Variants in ZDHHC9 observed in about 807,000 individuals in gnomAD.
ZDHHC9 encodes the protein zDHHC palmitoyltransferase 9.
In ZDHHC9, 3 loss-of-function variants were observed where a neutral mutation model predicts 26.6. The observed-to-expected ratio is 0.11, with a 90% CI of 0.05 to 0.29. The LOEUF (loss-of-function observed/expected upper bound fraction) is 0.29, where lower values mean the gene tolerates loss of function less well. Among genes scored for constraint, ZDHHC9 ranks in the 10% least tolerant of loss-of-function variants. ZDHHC9 has a pLI of 1.00. For synonymous variants in ZDHHC9, 111 were observed against 109.4 expected (o/e 1.01, Z -0.09); for missense variants, 146 against 296.4 (o/e 0.49, Z 3.73).
chrX:129,830,767 T>C (rs569509677), intron 3 of ZDHHC9, among the ~76,000 whole-genome samples: 3 of 111,647 alleles, frequency 2.7e-5, no homozygotes, highest in Non-Finnish European at 3.8e-5. Flanking sequence ...CCTGGTTATA[T>C]ATTCTCTGCA....
Position 129,811,114 on chromosome X carries a change from A to G in ZDHHC9, c.882-113T>C, listed in dbSNP as rs760795044. The G allele has an allele frequency of 4.7e-6, 3 of 635,366 alleles. No individual in the cohort carries two copies. The East Asian group carries it at 1.0e-4, about 22-fold the overall frequency. 52.4% of individuals were successfully genotyped at this position (635,366 alleles called of 1,213,427 possible). A position where few individuals can be genotyped will look rare whatever the true frequency, so the allele number is the denominator to read the frequency against. ...ATATAAACCTGTCCTTTGGCAATCT[A>G]GCCTGAACACAGCACATGCCTCTTA... On this transcript the variant is annotated intron_variant, in intron 9 of 10. Transcript: ENST00000357166.
At chrX:129,819,008 T>C (rs988616643) in intron 5 of ZDHHC9, among the ~76,000 whole-genome samples, 2 of 107,651 alleles carry the variant, frequency 1.9e-5, no homozygotes, top group African/African-American at 6.8e-5. Context: ...CCGTCTCTAC[T>C]AAAAATACAA....
At chrX:129,832,859 G>A (rs1177710589) in intron 3 of ZDHHC9, among the ~76,000 whole-genome samples, 2 of 107,116 alleles carry the variant, frequency 1.9e-5, no homozygotes, top group African/African-American at 3.4e-5. Context: ...CAGCTTACTC[G>A]GGAAGCTGAG....
At chrX:129,812,913 T>G in intron 7 of ZDHHC9, 93 bp from the exon 8 acceptor site, 1 of 600,421 alleles carries the variant, frequency 1.7e-6, no homozygotes, top group Non-Finnish European at 2.9e-6. Context: ...CATCTTTACC[T>G]CCTGGAACGT....
chrX:129,840,352 A>G (rs1455980772), intron 3 of ZDHHC9, among the ~76,000 whole-genome samples: 3 of 111,482 alleles, frequency 2.7e-5, no homozygotes, highest in Non-Finnish European at 5.6e-5. Flanking sequence ...TCAGCTTTGC[A>G]CTTCCAAGAA....
At position 129,805,864 on chromosome X, in the gene ZDHHC9, T is replaced by C. The variant is rs1338612113; in HGVS notation, c.*506A>G. On this transcript the variant is annotated 3_prime_UTR_variant, in exon 11 of 11. Coordinates refer to ENST00000357166, the MANE Select transcript of ZDHHC9 (RefSeq NM_016032.4). Reference sequence around the variant, plus strand: ...ATTTGTGGGCAATGCTGGCACTTGGTGGCCAGGAGAATCTTCTGACCCCAC... The same window carrying C: ...ATTTGTGGGCAATGCTGGCACTTGGCGGCCAGGAGAATCTTCTGACCCCAC... The C allele has an allele frequency of 8.3e-6, 1 of 119,907 alleles. No homozygotes were observed. Among genetic ancestry groups the C allele is most frequent in the Non-Finnish European group, 1.7e-5 (1 of 57,923 alleles). The allele number at this position is 119,907 out of a possible 1,213,427, so 9.9% of individuals were successfully genotyped here. A position where few individuals can be genotyped will look rare whatever the true frequency, so the allele number is the denominator to read the frequency against.
At chrX:129,821,032 GA>G (rs1359109710) in intron 5 of ZDHHC9, among the ~76,000 whole-genome samples, 1 of 110,979 alleles carries the variant, frequency 9.0e-6, no homozygotes, top group Admixed American at 9.6e-5. Context: ...ACAAATATAT[GA>G]AAAAATGCTC....
At chrX:129,827,251 AAAGGAAGG>A (rs752889794) in intron 4 of ZDHHC9, among the ~76,000 whole-genome samples, 5 of 85,670 alleles carry the variant, frequency 5.8e-5, no homozygotes, top group African/African-American at 2.2e-4. Context: ...AAGGAAGGAA[AAAGGAAGG>A]AAGGAAGGAA....
chrX:129,843,529 A>G (rs1422710058), intron 1 of ZDHHC9, 167 bp downstream of exon 1: 1 of 111,467 alleles, frequency 9.0e-6, no homozygotes, highest in East Asian at 2.9e-4. Flanking sequence ...ACACGCTCGT[A>G]CACACTCACA....
intron 3 of ZDHHC9, among the ~76,000 whole-genome samples, chrX:129,840,666 G>A (rs1426341072): frequency 4.5e-5 from 5 of 110,974 alleles, no homozygotes; most frequent in East Asian, 2.8e-4. Flanking sequence ...TCCCAGCCCC[G>A]TTATAAACTG....
chrX:129,819,182 A>G (rs1381094297), intron 5 of ZDHHC9, among the ~76,000 whole-genome samples: 1 of 107,541 alleles, frequency 9.3e-6, no homozygotes, highest in Non-Finnish European at 1.9e-5. Context: ...CAAAAAAAAA[A>G]AAAAAAAAAA....
chrX:129,809,036 A>T (rs1316357762), intron 10 of ZDHHC9, among the ~76,000 whole-genome samples: 1 of 112,445 alleles, frequency 8.9e-6, no homozygotes, highest in Non-Finnish European at 1.9e-5. Context: ...CACATTCACT[A>T]AGATGGCTAG....
intron 3 of ZDHHC9, among the ~76,000 whole-genome samples, chrX:129,835,707 C>T (rs191395598): frequency 1.8e-5 from 2 of 110,669 alleles, no homozygotes; most frequent in African/African-American, 6.6e-5. Context: ...CGCTTGAACC[C>T]GGGAGGCGGA....
In ZDHHC9 at chrX:129,841,696, A is replaced by G. The variant is rs184626392; in HGVS notation, c.167+83T>C. 1.3e-5 allele frequency: 15 copies of G among 1,141,351 alleles called. No individual in the cohort carries two copies. The East Asian group carries it at 4.2e-4, about 32-fold the overall frequency. The allele number at this position is 1,141,351 out of a possible 1,213,427, so 94.1% of individuals were successfully genotyped here. A position where few individuals can be genotyped will look rare whatever the true frequency, so the allele number is the denominator to read the frequency against. On this transcript the variant is annotated intron_variant, in intron 3 of 10. Transcript: ENST00000357166. ...AGGACGTTAAAGTCATCCAAGGACC[A>G]GCCCCAAACTCCCCAGAAAGCAGGT... is the stretch of plus-strand genomic sequence containing the variant.
At chrX:129,814,464 A>G (rs760675114) in intron 6 of ZDHHC9, among the ~76,000 whole-genome samples, 194 bp downstream of exon 6, 1 of 111,873 alleles carries the variant, frequency 8.9e-6, no homozygotes, top group East Asian at 2.8e-4. Flanking sequence ...AGGCCAACAC[A>G]CTGATTAATA....
chrX:129,838,047 A>G (rs755933133), intron 3 of ZDHHC9, among the ~76,000 whole-genome samples: 5 of 112,422 alleles, frequency 4.4e-5, no homozygotes, highest in Non-Finnish European at 9.4e-5. Flanking sequence ...AAAATTGTTC[A>G]TGTGCTCAAA....
At position 129,842,079 on chromosome X, in the gene ZDHHC9, C is replaced by A. The variant is rs1352638451; in HGVS notation, c.-134G>T. 33 of 806,644 alleles carry A rather than the reference C, an allele frequency of 4.1e-5. No homozygotes were observed. Among genetic ancestry groups the A allele is most frequent in the Non-Finnish European group, 5.8e-5 (32 of 549,191 alleles). The allele number at this position is 806,644 out of a possible 1,213,427, so 66.5% of individuals were successfully genotyped here. ...ACATCATCAAAAGTCCAATTGCTAG[C>A]CCTAAGAAAAAGCAGAAAAAGAAAA... On this transcript the variant is annotated splice_region_variant and 5_prime_UTR_variant, in exon 3 of 11. Coordinates refer to ENST00000357166, the MANE Select transcript of ZDHHC9 (RefSeq NM_016032.4).
intron 3 of ZDHHC9, among the ~76,000 whole-genome samples, chrX:129,831,051 C>A (rs1336538542): frequency 1.8e-5 from 2 of 111,472 alleles, no homozygotes; most frequent in Non-Finnish European, 3.8e-5. Context: ...AAGGATCTGG[C>A]AGCTGAGTTC....
intron 5 of ZDHHC9, among the ~76,000 whole-genome samples, chrX:129,816,441 A>G (rs774000192): frequency 3.6e-5 from 4 of 111,042 alleles, no homozygotes; most frequent in African/African-American, 9.8e-5. Flanking sequence ...TGGAAAAAAA[A>G]AACCCTCATT....
Sources: gnomAD v4.1 joint callset for allele counts (sites outside exome capture counted in the v4.1 genomes callset) on GRCh38, gnomAD v4.1.1 for gene constraint, MANE v1.5 for transcripts, NCBI Gene and HGNC (gene_info 2026-07-23, HGNC 2026-07-21) for gene names.